Variants in GREB1 observed in about 807,000 individuals in gnomAD.
GREB1 encodes growth regulating estrogen receptor binding 1, also known as protein GREB1.
A neutral mutation model predicts 200.7 loss-of-function variants in GREB1; 106 were observed. That is an observed-to-expected ratio of 0.53 (90% CI 0.45 to 0.62). The LOEUF is 0.62. GREB1 is among the 20% of genes least tolerant of loss of function. The pLI, the probability that GREB1 is intolerant of heterozygous loss-of-function variation, is 0.00. For synonymous variants in GREB1, 1,132 were observed against 1,092.4 expected (o/e 1.04, Z -0.72); for missense variants, 2,243 against 2,556.8 (o/e 0.88, Z 2.65).
At chr2:11,541,628 T>A (rs1420590927) in intron 1 of GREB1, among the ~76,000 whole-genome samples, 1 of 152,200 alleles carries the variant, frequency 6.6e-6, no homozygotes, top group African/African-American at 2.4e-5. Flanking sequence ...TAGTCCTCTT[T>A]GAGTCTTGGT....
intron 22 of GREB1, among the ~76,000 whole-genome samples, chr2:11,619,724 T>C (rs754662017): frequency 2.4e-4 from 37 of 152,208 alleles, no homozygotes; most frequent in Admixed American, 7.2e-4. Context: ...CTGGTTTCTC[T>C]TATTTGTTTT....
chr2:11,541,848 A>T (rs1185473393), intron 1 of GREB1, among the ~76,000 whole-genome samples: 1 of 152,174 alleles, frequency 6.6e-6, no homozygotes, highest in Non-Finnish European at 1.5e-5. Flanking sequence ...GCCCAGGCAC[A>T]CAATAGGTGT....
intron 1 of GREB1, among the ~76,000 whole-genome samples, chr2:11,555,959 A>G (rs1558538323): frequency 6.6e-6 from 1 of 152,124 alleles, no homozygotes; most frequent in Non-Finnish European, 1.5e-5. Context: ...CTCTTGGGGG[A>G]TAGAAATGTC....
chr2:11,592,638 C>T (rs565589957), intron 10 of GREB1, 138 bp from the exon 11 acceptor site: 2 of 545,120 alleles, frequency 3.7e-6, no homozygotes, highest in East Asian at 6.8e-5. Context: ...GGATTTTATG[C>T]CCTCCCCTCG....
chr2:11,544,666 T>C (rs1203183926), intron 1 of GREB1, among the ~76,000 whole-genome samples: 3 of 152,222 alleles, frequency 2.0e-5, no homozygotes. Context: ...AGGCTCCTGC[T>C]CTCATCCCCA....
chr2:11,611,165 C>CCT (rs1346372612), intron 18 of GREB1, 138 bp downstream of exon 18: 1 of 684,914 alleles, frequency 1.5e-6, no homozygotes, highest in Non-Finnish European at 2.5e-6. Flanking sequence ...CCCTCAGCCT[C>CCT]CTCTCTGTGC....
intron 17 of GREB1, among the ~76,000 whole-genome samples, chr2:11,609,147 C>T (rs970256093): frequency 1.3e-5 from 2 of 152,188 alleles, no homozygotes; most frequent in Non-Finnish European, 2.9e-5. Flanking sequence ...AACCTGATCC[C>T]GTTGCTCCAT....
intron 1 of GREB1, among the ~76,000 whole-genome samples, chr2:11,483,283 CGCGTGTGCGT>C (rs1672557228): frequency 6.7e-6 from 1 of 148,524 alleles, no homozygotes; most frequent in African/African-American, 2.5e-5. Context: ...TGTGTGAGTG[CGCGTGTGCGT>C]GCGTGCATGT....
At chr2:11,635,431 C>G in intron 30 of GREB1, 26 bp downstream of exon 30, 2 of 1,583,364 alleles carry the variant, frequency 1.3e-6, no homozygotes, top group Non-Finnish European at 1.7e-6. Context: ...CTGGGCAGGC[C>G]TCTATGTCCA....
chr2:11,502,187 G>A (rs1673066697), intron 1 of GREB1, among the ~76,000 whole-genome samples: 1 of 149,884 alleles, frequency 6.7e-6, no homozygotes, highest in African/African-American at 2.5e-5. Flanking sequence ...AAAGTTCTGG[G>A]ATCGCAGGCA....
In GREB1 at chr2:11,628,208, T is replaced by G. The variant is rs183242681; in HGVS notation, c.4449+1104T>G. On this transcript the variant is annotated intron_variant, in intron 25 of 32. Coordinates refer to ENST00000381486, the MANE Select transcript of GREB1 (RefSeq NM_014668.4). Reference sequence around the variant, plus strand: ...CCCATGGAGGTGTATGGAGGGCCTGTGAGGCTGGTTATTTATAAACAGGGC... The same window carrying G: ...CCCATGGAGGTGTATGGAGGGCCTGGGAGGCTGGTTATTTATAAACAGGGC... 2.6e-5 allele frequency among the ~76,000 whole-genome samples: 4 copies of G among 152,208 alleles called. No homozygotes were observed. In the South Asian group the frequency reaches 8.3e-4, roughly 31 times the overall value.
At chr2:11,513,972 C>T (rs1673419749) in intron 1 of GREB1, among the ~76,000 whole-genome samples, 1 of 152,172 alleles carries the variant, frequency 6.6e-6, no homozygotes. Context: ...CCCTTAGGAG[C>T]TCACATCCTA....
chr2:11,564,007 G>C (rs1677360163), intron 3 of GREB1, among the ~76,000 whole-genome samples: 1 of 152,174 alleles, frequency 6.6e-6, no homozygotes, highest in Non-Finnish European at 1.5e-5. Flanking sequence ...TTTGGGTTTT[G>C]GAGGATTAGT....
At position 11,519,531 on chromosome 2, in the gene GREB1, C is replaced by A. The variant is rs544031905; in HGVS notation, c.-158-36926C>A. On this transcript the variant is annotated intron_variant, in intron 1 of 2. Coordinates refer to the GREB1 transcript ENST00000628795. ...AGCGCAATGGCACGATCTCGGCTCA[C>A]TGCAACCTCTACCTCCCGGGTTCAT... is the stretch of plus-strand genomic sequence containing the variant. 1.3e-4 allele frequency among the ~76,000 whole-genome samples: 18 copies of A among 142,264 alleles called. No individual in the cohort carries two copies. The South Asian group carries it at 4.3e-3, about 34-fold the overall frequency. 93.3% of individuals were successfully genotyped at this position (142,264 alleles called of 152,430 possible).
At position 11,573,570 on chromosome 2, in the gene GREB1, T is replaced by G. The variant is rs370442946; in HGVS notation, c.455-2783T>G. Among the ~76,000 whole-genome samples, 113 of 152,350 alleles carry G rather than the reference T, an allele frequency of 7.4e-4. 2 individuals carry two copies. In the East Asian group the frequency reaches 0.012, roughly 17 times the overall value. ...CATACCTTCTTGGAGGGTTGGCATTTCCGGTCTCTCCCAGGGCCGGTTGGG... is the reference window on the plus strand; with the variant it reads ...CATACCTTCTTGGAGGGTTGGCATTGCCGGTCTCTCCCAGGGCCGGTTGGG... On this transcript the variant is annotated intron_variant, in intron 4 of 32. Coordinates refer to ENST00000381486, the MANE Select transcript of GREB1 (RefSeq NM_014668.4).
intron 2 of GREB1, among the ~76,000 whole-genome samples, chr2:11,559,481 T>C (rs1676765231): frequency 6.6e-6 from 1 of 152,242 alleles, no homozygotes; most frequent in Non-Finnish European, 1.5e-5. Context: ...AGAGTCTGAA[T>C]TGCCGTTCTT....
chr2:11,627,198 G>T, intron 25 of GREB1, 94 bp downstream of exon 25: 1 of 1,190,648 alleles, frequency 8.4e-7, no homozygotes, highest in Non-Finnish European at 1.2e-6. Flanking sequence ...GTGGGAGATA[G>T]AGAGTTCTGG....
chr2:11,597,893 A>G lies in GREB1; in HGVS notation c.2067A>G (p.Gly689=). 2 of 1,614,174 alleles carry G rather than the reference A, an allele frequency of 1.2e-6. No homozygotes were observed. Among genetic ancestry groups the G allele is most frequent in the Non-Finnish European group, 1.7e-6 (2 of 1,180,020 alleles). The change falls in exon 14 of 33, where the codon GGA becomes GGG. Residue 689 remains glycine (G), a synonymous_variant. Coordinates refer to ENST00000381486, the MANE Select transcript of GREB1 (RefSeq NM_014668.4). This position sits in a 1 kb window ranked among gnomAD's most constrained non-coding sequence, Gnocchi z 4.1. ...ADSSTQNLDL[G]SFEKVDFLIC... is the part of the protein sequence containing the mutation. Reference sequence around the variant, plus strand: ...CCAGCACCCAAAATCTGGACCTGGGATCCTTTGAGAAGGTGGACTTTCTCA... The same window carrying G: ...CCAGCACCCAAAATCTGGACCTGGGGTCCTTTGAGAAGGTGGACTTTCTCA...
intron 17 of GREB1, among the ~76,000 whole-genome samples, chr2:11,604,465 C>G (rs1682072456): frequency 6.6e-6 from 1 of 152,214 alleles, no homozygotes; most frequent in Non-Finnish European, 1.5e-5. Flanking sequence ...ACCTCCACCA[C>G]TATTCACCAT....
Sources: gnomAD v4.1 joint callset for allele counts (sites outside exome capture counted in the v4.1 genomes callset) on GRCh38, gnomAD v4.1.1 for gene constraint, Gnocchi (gnomAD v3.1) non-coding constraint, MANE v1.5 for transcripts, NCBI Gene and HGNC (gene_info 2026-07-23, HGNC 2026-07-21) for gene names.